The following SMIM35 variants were observed in gnomAD, a reference collection of about 807,000 sequenced individuals.
SMIM35 encodes TMPRSS4 antisense RNA 1 (non-protein coding).
At chr11:118,017,211 G>A (rs543714416) in intron 1 of SMIM35, among the ~76,000 whole-genome samples, 25 of 152,322 alleles carry the variant, frequency 1.6e-4, no homozygotes, top group South Asian at 4.1e-4. Flanking sequence ...CAAAGATGCC[G>A]ATGGGTCCCA....
intron 1 of SMIM35, among the ~76,000 whole-genome samples, chr11:118,080,367 C>T (rs1262643172): frequency 1.3e-5 from 2 of 152,250 alleles, no homozygotes; most frequent in African/African-American, 2.4e-5. Context: ...AACAGGCTCT[C>T]GCTGTGGCTG....
chr11:118,048,946 C>CAAAAAA (rs57261529), intron 1 of SMIM35, among the ~76,000 whole-genome samples: 962 of 60,376 alleles, frequency 0.016, 89 homozygotes, highest in African/African-American at 0.067. Context: ...TGAAGAGCTG[C>CAAAAAA]AAAAAAAAAA....
At chr11:118,077,343 G>T in intron 1 of SMIM35, 1 of 1,579,676 alleles carries the variant, frequency 6.3e-7, no homozygotes, top group South Asian at 1.2e-5. Context: ...ACACAGGAAG[G>T]GTGGGTCTCC....
chr11:118,048,716 G>A (rs1783842), intron 1 of SMIM35, among the ~76,000 whole-genome samples: 65,326 of 151,096 alleles, frequency 0.43, 14,317 homozygotes, highest in Non-Finnish European at 0.47. Flanking sequence ...AAGTATGGGG[G>A]AAAAAAACAA....
At chr11:118,084,397 A>C (rs1235559323) in intron 1 of SMIM35, among the ~76,000 whole-genome samples, 1 of 152,248 alleles carries the variant, frequency 6.6e-6, no homozygotes, top group Non-Finnish European at 1.5e-5. Context: ...CAGGTTATGC[A>C]ACTGCAAAGT....
intron 1 of SMIM35, among the ~76,000 whole-genome samples, chr11:118,047,134 C>T (rs905156314): frequency 6.6e-6 from 1 of 152,146 alleles, no homozygotes; most frequent in Non-Finnish European, 1.5e-5. Context: ...CACCCCAATG[C>T]GGTGACCTTG....
At chr11:118,080,186 A>G (rs1222123134) in intron 1 of SMIM35, among the ~76,000 whole-genome samples, 2 of 152,172 alleles carry the variant, frequency 1.3e-5, no homozygotes, top group Non-Finnish European at 2.9e-5. Context: ...CTGGAGCTGA[A>G]AAAGCAATAG....
chr11:118,047,060 A>C (rs1294004487), intron 1 of SMIM35, among the ~76,000 whole-genome samples: 8 of 152,244 alleles, frequency 5.3e-5, no homozygotes, highest in Non-Finnish European at 1.0e-4. Flanking sequence ...GTCAAGGAAT[A>C]GAAGTGAGCT....
intron 1 of SMIM35, among the ~76,000 whole-genome samples, chr11:118,030,654 G>A (rs1359737605): frequency 2.0e-5 from 3 of 152,080 alleles, no homozygotes; most frequent in South Asian, 4.1e-4. Flanking sequence ...AGCTGGGGGA[G>A]GAGGGTATCC....
At chr11:118,037,666 A>G (rs1943927159) in intron 1 of SMIM35, among the ~76,000 whole-genome samples, 3 of 152,186 alleles carry the variant, frequency 2.0e-5, no homozygotes. Context: ...AGTTAAGTTG[A>G]TCTTGCAAGG....
intron 1 of SMIM35, among the ~76,000 whole-genome samples, chr11:118,066,419 A>C (rs772633202): frequency 8.5e-5 from 13 of 152,074 alleles, no homozygotes; most frequent in Non-Finnish European, 1.6e-4. Context: ...TACCAGAATG[A>C]TCTTTCAAAA....
intron 1 of SMIM35, among the ~76,000 whole-genome samples, chr11:118,035,070 G>C (rs1304743406): frequency 6.6e-6 from 1 of 151,402 alleles, no homozygotes; most frequent in South Asian, 2.1e-4. Flanking sequence ...TGGTGCCTCC[G>C]CCTCCTGAGT....
In SMIM35 at chr11:118,014,595, T is replaced by C. The variant is rs951699639; in HGVS notation, c.158+113A>G. 1.0e-5 allele frequency: 4 copies of C among 398,318 alleles called. No homozygotes were observed. In the East Asian group the frequency reaches 1.4e-4, roughly 14 times the overall value. 24.7% of individuals were successfully genotyped at this position (398,318 alleles called of 1,614,324 possible). A position where few individuals can be genotyped will look rare whatever the true frequency, so the allele number is the denominator to read the frequency against. On this transcript the variant is annotated intron_variant, in intron 3 of 4. Coordinates refer to ENST00000689828, the MANE Select transcript of SMIM35 (RefSeq NM_001394165.1). ...CCCTTCTTTTATTTTCTTAGGGGCATGAACAGAAGACAGGAAAGGGAACCA... is the reference window on the plus strand; with the variant it reads ...CCCTTCTTTTATTTTCTTAGGGGCACGAACAGAAGACAGGAAAGGGAACCA...
intron 1 of SMIM35, among the ~76,000 whole-genome samples, chr11:118,061,706 C>T (rs374758702): frequency 1.4e-4 from 21 of 152,082 alleles, no homozygotes; most frequent in African/African-American, 4.6e-4. Context: ...TGCTGGACAC[C>T]GATTAGCTTG....
chr11:118,086,197 C>T (rs1043219595), intron 1 of SMIM35, among the ~76,000 whole-genome samples: 2 of 152,256 alleles, frequency 1.3e-5, no homozygotes, highest in African/African-American at 2.4e-5. Flanking sequence ...CTCCCCAGCC[C>T]TATCTGAACC....
At chr11:118,086,349 G>A (rs966007415) in intron 1 of SMIM35, among the ~76,000 whole-genome samples, 1 of 152,268 alleles carries the variant, frequency 6.6e-6, no homozygotes, top group Non-Finnish European at 1.5e-5. Context: ...TGAGATGGGG[G>A]ATGAGGTGCT....
intron 1 of SMIM35, among the ~76,000 whole-genome samples, chr11:118,037,154 C>T (rs959915821): frequency 1.3e-5 from 2 of 152,290 alleles, no homozygotes; most frequent in Non-Finnish European, 1.5e-5. Flanking sequence ...GGTTGGCCAG[C>T]GACCACTCTA....
intron 1 of SMIM35, among the ~76,000 whole-genome samples, chr11:118,078,672 C>T: frequency 6.6e-6 from 1 of 152,084 alleles, no homozygotes; most frequent in Non-Finnish European, 1.5e-5. Context: ...TTCTGGGTGG[C>T]AGGCACTGAG....
At chr11:118,033,904 C>T (rs990253691) in intron 1 of SMIM35, among the ~76,000 whole-genome samples, 2 of 152,110 alleles carry the variant, frequency 1.3e-5, no homozygotes, top group African/African-American at 2.4e-5. Context: ...TTAATTTCTC[C>T]GAAACCCAGT....
Sources: allele counts gnomAD v4.1 joint callset (sites outside exome capture counted in the v4.1 genomes callset), GRCh38; gene constraint gnomAD v4.1.1; transcripts MANE v1.5; gene names NCBI Gene and HGNC (gene_info 2026-07-23, HGNC 2026-07-21).